Variants in TBC1D1 observed in about 807,000 individuals in gnomAD.
TBC1D1 encodes TBC1 (tre-2/USP6, BUB2, cdc16) domain family, member 1.
In TBC1D1, 89 loss-of-function variants were observed where a neutral mutation model predicts 125.6. That is an observed-to-expected ratio of 0.71 (90% CI 0.60 to 0.85). The LOEUF is 0.85. TBC1D1 is among the 40% of genes least tolerant of loss of function. TBC1D1 has a pLI of 0.00. For synonymous variants in TBC1D1, 565 were observed against 564.1 expected (o/e 1.00, Z -0.02); for missense variants, 1,377 against 1,469.2 (o/e 0.94, Z 1.03).
At chr4:37,895,439 C>T (rs1422057676) in intron 1 of TBC1D1, among the ~76,000 whole-genome samples, 2 of 151,924 alleles carry the variant, frequency 1.3e-5, no homozygotes, top group African/African-American at 4.8e-5. Context: ...TTATATGACT[C>T]GTGCCTGTAA....
chr4:38,118,315 T>C (rs1763306921), intron 17 of TBC1D1, 123 bp downstream of exon 19: 2 of 1,208,290 alleles, frequency 1.7e-6, no homozygotes, highest in East Asian at 2.4e-5. Flanking sequence ...AGGGTATTGT[T>C]TGATAGTCTA....
Position 37,963,814 on chromosome 4 carries a change from A to C in TBC1D1, c.418-50695A>C, listed in dbSNP as rs1730529426. Among the ~76,000 whole-genome samples the C allele has an allele frequency of 2.0e-5, 3 of 152,244 alleles. No individual in the cohort carries two copies. The South Asian group carries it at 6.2e-4, about 31-fold the overall frequency. ...AGAAACAAGAATACTGTAATAAAAA[A>C]ATCCAATATCGGACTCTACTCCCTT... On this transcript the variant is annotated intron_variant, in intron 2 of 19. Transcript: ENST00000261439.
chr4:38,022,678 G>C (rs1442570667), intron 6 of TBC1D1, among the ~76,000 whole-genome samples: 2 of 152,196 alleles, frequency 1.3e-5, no homozygotes, highest in Admixed American at 1.3e-4. Context: ...CAGGAAGTGA[G>C]AGTTTCTGTC....
intron 2 of TBC1D1, among the ~76,000 whole-genome samples, chr4:37,984,032 C>T (rs1050337365): frequency 3.2e-4 from 48 of 151,874 alleles, no homozygotes; most frequent in African/African-American, 1.1e-3. Context: ...GTAGCCTTTT[C>T]GGATTGGCTT....
intron 2 of TBC1D1, among the ~76,000 whole-genome samples, chr4:37,906,367 C>T (rs1389108197): frequency 1.3e-5 from 2 of 152,124 alleles, no homozygotes; most frequent in Non-Finnish European, 2.9e-5. Context: ...AGGCTGGTCT[C>T]GAACTCCTGA....
intron 2 of TBC1D1, chr4:37,960,629 C>T: frequency 1.9e-6 from 3 of 1,614,166 alleles, no homozygotes; most frequent in Non-Finnish European, 2.5e-6. Context: ...AGGCTTTGGG[C>T]ACTGTCAACA....
intron 15 of TBC1D1, among the ~76,000 whole-genome samples, chr4:38,115,195 GGTTCAAGCAA>G (rs1403050239): frequency 6.6e-6 from 1 of 150,404 alleles, no homozygotes; most frequent in Non-Finnish European, 1.5e-5. Context: ...CTGCCTCCCA[GGTTCAAGCAA>G]TTCTCCTGCC....
In TBC1D1 at chr4:38,124,862, C is replaced by G. The variant is rs980445926; in HGVS notation, c.2963-100C>G. Reference sequence around the variant, plus strand: ...TAAAGTTTGCAATGTGGGGCTATGTCTCCCACACTCCTGCTCTGTGATGTG... The same window carrying G: ...TAAAGTTTGCAATGTGGGGCTATGTGTCCCACACTCCTGCTCTGTGATGTG... On this transcript the variant is annotated intron_variant, in intron 17 of 19. Transcript: ENST00000261439. 7 of 978,212 alleles carry G rather than the reference C, an allele frequency of 7.2e-6. No homozygotes were observed. In the South Asian group the frequency reaches 8.1e-5, roughly 11 times the overall value. 60.6% of individuals were successfully genotyped at this position (978,212 alleles called of 1,614,324 possible). A position where few individuals can be genotyped will look rare whatever the true frequency, so the allele number is the denominator to read the frequency against.
chr4:37,902,214 T>C lies in TBC1D1; in HGVS notation c.119T>C (p.Leu40Pro). The C allele has an allele frequency of 6.2e-7, 1 of 1,614,112 alleles. No individual in the cohort carries two copies. The highest frequency in any genetic ancestry group is 8.5e-7 in the Non-Finnish European group (1 of 1,180,030). The change falls in exon 2 of 20, where the codon CTG (leucine) becomes CCG (proline). Residue 40 changes from leucine to proline, a missense_variant. By Grantham distance (98) the Leu-to-Pro change is moderately conservative. Coordinates refer to ENST00000261439, the MANE Select transcript of TBC1D1 (RefSeq NM_015173.4). The stretch of plus-strand genomic sequence containing the variant: ...CATTCCCTGACCACCATGCCCATGC[T>C]GCCCTGGGTTGTGGCTGAGGTGCGA...
At chr4:37,907,282 G>T (rs1267283262) in intron 2 of TBC1D1, among the ~76,000 whole-genome samples, 1 of 152,186 alleles carries the variant, frequency 6.6e-6, no homozygotes, top group Non-Finnish European at 1.5e-5. Flanking sequence ...GCTACAACTC[G>T]ACAAGTGGTA....
intron 4 of TBC1D1, among the ~76,000 whole-genome samples, chr4:38,019,143 AAT>A (rs1477435338): frequency 6.6e-6 from 1 of 152,122 alleles, no homozygotes; most frequent in Non-Finnish European, 1.5e-5. Flanking sequence ...CTTCCTAACA[AAT>A]ATGAGATCAC....
intron 12 of TBC1D1, among the ~76,000 whole-genome samples, chr4:38,077,906 C>T (rs1278354051): frequency 2.0e-5 from 3 of 152,146 alleles, no homozygotes. Flanking sequence ...TATTCTAAAT[C>T]TGCTTCCTGC....
Position 38,064,882 on chromosome 4 carries a change from C to T in TBC1D1, c.2050+10544C>T, listed in dbSNP as rs559804787. The stretch of plus-strand genomic sequence containing the variant: ...TCGCGATTCACCTGCCTCGGCCTCC[C>T]AAAAAGTGCTGGGATTACAGGCGTG... On this transcript the variant is annotated intron_variant, in intron 12 of 19. Transcript: ENST00000261439. 6.6e-5 allele frequency among the ~76,000 whole-genome samples: 10 copies of T among 151,758 alleles called. No homozygotes were observed. The South Asian group carries it at 2.1e-3, about 32-fold the overall frequency.
rs369737635 is a variant in TBC1D1, at chr4:38,115,927, G to A, written c.2775G>A (p.Gln925=). The stretch of plus-strand genomic sequence containing the variant: ...TGTTTGACATGGGGCTGCGGAAACA[G>A]TATCGGCCAGACATGATTATTTTAC... Residue 925 remains glutamine, a synonymous_variant, in exon 16 of 20, where the codon CAG becomes CAA. Coordinates refer to ENST00000261439, the MANE Select transcript of TBC1D1 (RefSeq NM_015173.4). 20 of 1,614,074 alleles carry A rather than the reference G, an allele frequency of 1.2e-5. No homozygotes were observed. Among genetic ancestry groups the A allele is most frequent in the Non-Finnish European group, 1.5e-5 (18 of 1,180,042 alleles).
intron 2 of TBC1D1, among the ~76,000 whole-genome samples, chr4:37,910,340 C>A (rs1452197248): frequency 2.0e-5 from 3 of 152,076 alleles, no homozygotes; most frequent in African/African-American, 7.2e-5. Flanking sequence ...GAAATGTGAC[C>A]AATCTGAAAT....
chr4:37,934,266 A>G (rs1372498008), intron 2 of TBC1D1, among the ~76,000 whole-genome samples: 1 of 152,178 alleles, frequency 6.6e-6, no homozygotes, highest in Non-Finnish European at 1.5e-5. Context: ...CAAGGCCAGA[A>G]GCTCAGGATG....
chr4:37,894,050 G>A (rs1170739800), intron 1 of TBC1D1, among the ~76,000 whole-genome samples: 4 of 149,424 alleles, frequency 2.7e-5, no homozygotes, highest in Non-Finnish European at 4.4e-5. Flanking sequence ...GTGCAGTGGC[G>A]TGATCTCAGC....
At chr4:37,968,477 G>A (rs933644611) in intron 2 of TBC1D1, among the ~76,000 whole-genome samples, 10 of 152,186 alleles carry the variant, frequency 6.6e-5, no homozygotes, top group Admixed American at 5.9e-4. Context: ...ACAATGTAAC[G>A]CAGAAAATCA....
At chr4:38,011,823 T>C (rs1368841550) in intron 2 of TBC1D1, among the ~76,000 whole-genome samples, 2 of 152,236 alleles carry the variant, frequency 1.3e-5, no homozygotes, top group Admixed American at 6.5e-5. Flanking sequence ...ACAACCTCGA[T>C]TGTGACCAAG....
Sources: allele counts gnomAD v4.1 joint callset (sites outside exome capture counted in the v4.1 genomes callset), GRCh38; gene constraint gnomAD v4.1.1; transcripts MANE v1.5; gene names NCBI Gene and HGNC (gene_info 2026-07-23, HGNC 2026-07-21).